The following TXNRD1 variants were observed in gnomAD, a reference collection of about 807,000 sequenced individuals.
The protein encoded by TXNRD1 is thioredoxin reductase 1.
Under a neutral mutation model 80.3 loss-of-function variants are expected in TXNRD1, and 57 were observed. The ratio of observed to expected loss-of-function variants is 0.71; its 90% CI spans 0.57 to 0.89. The LOEUF is 0.89. TXNRD1 is among the 40% of genes least tolerant of loss of function. TXNRD1 has a pLI of 0.00. For missense variants in TXNRD1, 730 were observed against 803.0 expected, an observed-to-expected ratio of 0.91 and a Z score of 1.10; for synonymous variants, 291 against 285.2, an observed-to-expected ratio of 1.02 and a Z score of -0.20.
chr12:104,281,815 C>CT (rs1465436966), intron 3 of TXNRD1, among the ~76,000 whole-genome samples: 1 of 152,154 alleles, frequency 6.6e-6, no homozygotes, highest in Non-Finnish European at 1.5e-5. Flanking sequence ...ACTCTGGCAT[C>CT]TTACCACATT....
Position 104,304,929 on chromosome 12 carries a change from C to A in TXNRD1, c.415-6361C>A, listed in dbSNP as rs529973442. 23 of 1,587,846 alleles carry A rather than the reference C, an allele frequency of 1.4e-5. No homozygotes were observed. In the African/African-American group the frequency reaches 2.9e-4, roughly 20 times the overall value. On this transcript the variant is annotated intron_variant, in intron 4 of 16. Coordinates refer to ENST00000525566, the MANE Select transcript of TXNRD1 (RefSeq NM_001093771.3). ...TCTGAGGCTATGATTACATACTCCT[C>A]ATACTAAAGATTTCTTAGTATAGCA...
rs544111022 is a variant in TXNRD1 at position 104,317,139 on chromosome 12, A to G, written c.730+1243A>G. Among the ~76,000 whole-genome samples, 4 of 152,276 alleles carry G rather than the reference A, an allele frequency of 2.6e-5. No individual in the cohort carries two copies. The South Asian group carries it at 8.3e-4, about 32-fold the overall frequency. On this transcript the variant is annotated intron_variant, in intron 7 of 16. Coordinates refer to ENST00000525566, the MANE Select transcript of TXNRD1 (RefSeq NM_001093771.3). ...AAGAGAGAGAGGGATATAGGAGGAA[A>G]TTTTGTAAAACATTGATAATTACTG...
chr12:104,235,243 C>T (rs2032712883), intron 1 of TXNRD1, among the ~76,000 whole-genome samples: 1 of 152,136 alleles, frequency 6.6e-6, no homozygotes, highest in Non-Finnish European at 1.5e-5. Flanking sequence ...TTGGACCGCA[C>T]AATCTAAGCT....
intron 1 of TXNRD1, among the ~76,000 whole-genome samples, chr12:104,241,029 C>G (rs1027183045): frequency 3.3e-5 from 5 of 150,674 alleles, no homozygotes; most frequent in African/African-American, 1.2e-4. Flanking sequence ...GCATGAGTCA[C>G]TGCGCCCAGT....
rs1367486207 is a variant in TXNRD1 at position 104,340,619 on chromosome 12, T to C, written c.1881+1346T>C. The stretch of plus-strand genomic sequence containing the variant: ...CTTGCAGATGTATCACTTTAATCTC[T>C]GCCCCCCTCTTCACATGGCCTCATC... On this transcript the variant is annotated intron_variant, in intron 16 of 16. Coordinates refer to ENST00000525566, the MANE Select transcript of TXNRD1 (RefSeq NM_001093771.3). 2.0e-5 allele frequency among the ~76,000 whole-genome samples: 3 copies of C among 152,216 alleles called. No individual in the cohort carries two copies. The East Asian group carries it at 5.8e-4, about 29-fold the overall frequency.
chr12:104,323,633 A>AC (rs545096577), intron 10 of TXNRD1, among the ~76,000 whole-genome samples: 4,379 of 17,840 alleles, frequency 0.25, 1,204 homozygotes, highest in African/African-American at 0.37. Context: ...AGGGGGGCTG[A>AC]CCCCCCCACC....
intron 3 of TXNRD1, among the ~76,000 whole-genome samples, chr12:104,270,437 T>A (rs1044559535): frequency 6.6e-6 from 1 of 152,174 alleles, no homozygotes; most frequent in African/African-American, 2.4e-5. Context: ...CAATGAGCAG[T>A]AATATTTTCA....
intron 1 of TXNRD1, among the ~76,000 whole-genome samples, chr12:104,248,236 AAC>A (rs1310858417): frequency 2.8e-4 from 42 of 152,144 alleles, no homozygotes; most frequent in African/African-American, 9.4e-4. Flanking sequence ...TATGTGTGTG[AAC>A]ATATATGAAT....
At chr12:104,221,476 C>T (rs1468887212) in intron 1 of TXNRD1, among the ~76,000 whole-genome samples, 1 of 152,082 alleles carries the variant, frequency 6.6e-6, no homozygotes, top group Non-Finnish European at 1.5e-5. Context: ...CACCACAACG[C>T]CCGACTAATT....
intron 16 of TXNRD1, among the ~76,000 whole-genome samples, chr12:104,342,653 ATATT>A (rs1462467065): frequency 6.6e-6 from 1 of 152,128 alleles, no homozygotes; most frequent in African/African-American, 2.4e-5. Flanking sequence ...TTAAAAATAT[ATATT>A]TATTTTTTAT....
intron 16 of TXNRD1, among the ~76,000 whole-genome samples, chr12:104,342,410 A>G (rs2036356487): frequency 6.6e-6 from 1 of 152,244 alleles, no homozygotes; most frequent in Admixed American, 6.5e-5. Context: ...CTCCCTTGCC[A>G]GGAACCAGGG....
chr12:104,294,076 G>A (rs1413511624), intron 4 of TXNRD1, among the ~76,000 whole-genome samples: 1 of 152,160 alleles, frequency 6.6e-6, no homozygotes, highest in African/African-American at 2.4e-5. Flanking sequence ...AGGTGTACAG[G>A]ATGGAACATG....
At position 104,236,338 on chromosome 12, in the gene TXNRD1, C is replaced by T. The variant is rs140582659; in HGVS notation, c.92-15189C>T. ...GCTTCCTATCACTCCTTTGAAAATA[C>T]CTTGTACACTTGCATTAAGTCATAA... On this transcript the variant is annotated intron_variant, in intron 1 of 16. Coordinates refer to ENST00000525566, the MANE Select transcript of TXNRD1 (RefSeq NM_001093771.3). Among the ~76,000 whole-genome samples, 417 of 152,240 alleles carry T rather than the reference C, an allele frequency of 2.7e-3. 6 individuals carry two copies. The highest frequency in any genetic ancestry group is 3.4e-3 in the Non-Finnish European group (230 of 68,010).
intron 7 of TXNRD1, 64 bp from the exon 8 acceptor site, chr12:104,318,849 T>G: frequency 2.6e-6 from 4 of 1,559,364 alleles, no homozygotes; most frequent in South Asian, 1.2e-5. Flanking sequence ...GAGTGGTTAT[T>G]GAGAAATGAT....
rs555220218 is a variant in TXNRD1 at position 104,237,688 on chromosome 12, A to AT, written c.92-13838dup. ...TATAGATGTGTTGTGTGTAATGTCT[A>AT]TAAAAACAGCTCTAATTGATTGGCT... On this transcript the variant is annotated intron_variant, in intron 1 of 16. Transcript: ENST00000525566. 1.6e-3 allele frequency among the ~76,000 whole-genome samples: 243 copies of AT among 152,338 alleles called. 1 individual carries two copies. The highest frequency in any genetic ancestry group is 5.4e-3 in the African/African-American group (225 of 41,584).
intron 3 of TXNRD1, among the ~76,000 whole-genome samples, chr12:104,267,830 C>T (rs369713722): frequency 5.5e-5 from 8 of 144,930 alleles, no homozygotes; most frequent in African/African-American, 1.5e-4. Flanking sequence ...CTCCCTCCCT[C>T]CTTCCCTCCT....
At chr12:104,217,754 C>T (rs2032250109) in intron 1 of TXNRD1, among the ~76,000 whole-genome samples, 1 of 152,124 alleles carries the variant, frequency 6.6e-6, no homozygotes, top group South Asian at 2.1e-4. Context: ...TTTCCCCCAG[C>T]CCCTGGTATC....
At chr12:104,234,638 G>GAAAAAA (rs33956129) in intron 1 of TXNRD1, among the ~76,000 whole-genome samples, 1 of 125,924 alleles carries the variant, frequency 7.9e-6, no homozygotes, top group Non-Finnish European at 1.6e-5. Context: ...TAAAGTCAGG[G>GAAAAAA]AAAAAAAAAA....
intron 16 of TXNRD1, among the ~76,000 whole-genome samples, chr12:104,347,787 C>T (rs958463712): frequency 3.3e-5 from 5 of 152,082 alleles, no homozygotes; most frequent in Admixed American, 1.3e-4. Flanking sequence ...TTGACTCGAA[C>T]TCCATTCAGT....
Sources: gnomAD v4.1 joint callset for allele counts (sites outside exome capture counted in the v4.1 genomes callset) on GRCh38, gnomAD v4.1.1 for gene constraint, MANE v1.5 for transcripts, NCBI Gene and HGNC (gene_info 2026-07-23, HGNC 2026-07-21) for gene names.